APP: variants seen among roughly 807,000 people sequenced by gnomAD.
The protein encoded by APP is amyloid-beta precursor protein.
In APP, 31 loss-of-function variants were observed where a neutral mutation model predicts 101.4. That is an observed-to-expected ratio of 0.31 (90% CI 0.23 to 0.41). The LOEUF (loss-of-function observed/expected upper bound fraction) is 0.41. Among genes scored for constraint, APP ranks in the 10% least tolerant of loss-of-function variants. APP has a pLI of 1.00. For synonymous variants in APP, 366 were observed against 364.4 expected, an observed-to-expected ratio of 1.00 and a Z score of -0.05; for missense variants, 839 against 1,003.7, an observed-to-expected ratio of 0.84 and a Z score of 2.22.
chr21:26,116,791 C>T (rs994410732), intron 1 of APP, among the ~76,000 whole-genome samples: 4 of 152,188 alleles, frequency 2.6e-5, no homozygotes, highest in African/African-American at 4.8e-5. Context: ...TTGAACCACC[C>T]GCTGACTAGT....
intron 5 of APP, among the ~76,000 whole-genome samples, chr21:26,022,419 T>C (rs2044383235): frequency 1.3e-5 from 2 of 152,128 alleles, no homozygotes; most frequent in Non-Finnish European, 2.9e-5. Flanking sequence ...TAAGTAATAA[T>C]AGATACACAG....
intron 15 of APP, chr21:25,897,882 A>T: frequency 1.7e-6 from 1 of 576,986 alleles, no homozygotes; most frequent in East Asian, 2.9e-5. Context: ...AGGGTAAGGG[A>T]AACCTGAAAG....
intron 9 of APP, among the ~76,000 whole-genome samples, chr21:25,980,853 TACA>T (rs2042404912): frequency 1.3e-5 from 2 of 152,190 alleles, no homozygotes. Context: ...TACATGCCAC[TACA>T]TGCAGGGTCA....
chr21:26,119,580 T>C (rs2062516155), intron 1 of APP, among the ~76,000 whole-genome samples: 1 of 152,248 alleles, frequency 6.6e-6, no homozygotes, highest in Non-Finnish European at 1.5e-5. Flanking sequence ...ATGTGTATTT[T>C]CTAGTTTTTC....
chr21:25,887,250 C>G (rs1311457736), intron 17 of APP, among the ~76,000 whole-genome samples: 1 of 152,046 alleles, frequency 6.6e-6, no homozygotes, highest in African/African-American at 2.4e-5. Flanking sequence ...TAAACAGATC[C>G]TGGGATTAGT....
intron 3 of APP, among the ~76,000 whole-genome samples, chr21:26,054,452 A>T (rs1489136083): frequency 6.6e-6 from 1 of 152,160 alleles, no homozygotes; most frequent in Non-Finnish European, 1.5e-5. Flanking sequence ...AAGACAGAGT[A>T]AAGAACCAGC....
rs1199965992 is a variant in APP, at chr21:25,955,729, C to T, written c.1485G>A (p.Lys495=). The T allele has an allele frequency of 1.9e-6, 3 of 1,614,164 alleles. No homozygotes were observed. Among genetic ancestry groups the T allele is most frequent in the Non-Finnish European group, 2.5e-6 (3 of 1,180,030 alleles). ...PRPRHVFNML[K]KYVRAEQKDR... ...CCTTCTGTTCTGCGCGGACATACTT[C>T]TTTAGCATATTGAACACGTGACGAG... is the stretch of plus-strand genomic sequence containing the variant. The change falls in exon 12 of 18, where the codon AAG becomes AAA. Residue 495 remains lysine, a synonymous_variant. Transcript: ENST00000346798.
rs571593915 is a variant in APP, at chr21:25,982,510, A to G, written c.1091-33T>C. 3.1e-6 allele frequency: 5 copies of G among 1,610,564 alleles called. No homozygotes were observed. In the African/African-American group the frequency reaches 5.3e-5, roughly 17 times the overall value. ...GTAGAAGAGAAGGAGGTTTGAGAAA[A>G]AAAAGCCAACAACAACAGAATAATC... On this transcript the variant is annotated intron_variant, in intron 8 of 17. Transcript: ENST00000346798.
At chr21:26,169,146 A>G (rs763896051) in intron 1 of APP, 7 of 152,258 alleles carry the variant, frequency 4.6e-5, no homozygotes, top group African/African-American at 1.2e-4. Flanking sequence ...GATGTAAAGA[A>G]AAACAGTCAT....
At chr21:26,105,068 C>CAAAAAAAAA (rs10579923) in intron 2 of APP, among the ~76,000 whole-genome samples, 1 of 110,496 alleles carries the variant, frequency 9.1e-6, no homozygotes, top group African/African-American at 3.7e-5. Context: ...GCATTTTTTT[C>CAAAAAAAAA]AAAAAAAAAA....
At chr21:26,144,666 T>C (rs755315751) in intron 1 of APP, among the ~76,000 whole-genome samples, 4 of 152,182 alleles carry the variant, frequency 2.6e-5, no homozygotes, top group African/African-American at 7.2e-5. Flanking sequence ...TGGGTTAAAA[T>C]GCAGAAAATA....
chr21:26,025,118 T>A (rs556122605), intron 5 of APP, among the ~76,000 whole-genome samples: 27 of 152,350 alleles, frequency 1.8e-4, no homozygotes, highest in Non-Finnish European at 3.7e-4. Context: ...CTGACTTTTT[T>A]TTTTGACTGC....
intron 1 of APP, among the ~76,000 whole-genome samples, chr21:26,122,317 C>T (rs941945056): frequency 1.3e-5 from 2 of 152,088 alleles, no homozygotes; most frequent in Non-Finnish European, 2.9e-5. Flanking sequence ...TTGTCCATAC[C>T]CTTTAATATC....
In APP at chr21:25,901,708, TG is replaced by T. The variant is rs1319954347; in HGVS notation, c.1963+3315del. Among the ~76,000 whole-genome samples, 6 of 152,314 alleles carry T rather than the reference TG, an allele frequency of 3.9e-5. No individual in the cohort carries two copies. In the East Asian group the frequency reaches 9.6e-4, roughly 24 times the overall value. ...CTTAGAGGTCTTTCTTGAGTTGTGC[TG>T]ATTTCACCCTAAGCCCTGGTGACTC... On this transcript the variant is annotated intron_variant, in intron 15 of 17. Transcript: ENST00000346798.
intron 14 of APP, among the ~76,000 whole-genome samples, chr21:25,910,509 T>C (rs1482604564): frequency 6.6e-6 from 1 of 152,240 alleles, no homozygotes; most frequent in East Asian, 1.9e-4. Flanking sequence ...TGCTGTTGTG[T>C]TCTTAAAAAA....
intron 1 of APP, among the ~76,000 whole-genome samples, chr21:26,148,903 T>C (rs770189692): frequency 1.3e-5 from 2 of 152,250 alleles, no homozygotes; most frequent in Non-Finnish European, 2.9e-5. Context: ...TTTCTTGCAG[T>C]CATATTTCTA....
In APP at chr21:25,976,842, G is replaced by A. The variant is rs530087077; in HGVS notation, c.1225-814C>T. 3.9e-5 allele frequency among the ~76,000 whole-genome samples: 6 copies of A among 152,312 alleles called. No homozygotes were observed. In the South Asian group the frequency reaches 1.2e-3, roughly 32 times the overall value. ...GGTGATTCAGTCTCTGTCCTCATGAGTAAATTAGTATCATTATGGGGGGAG... is the reference window on the plus strand; with the variant it reads ...GGTGATTCAGTCTCTGTCCTCATGAATAAATTAGTATCATTATGGGGGGAG... On this transcript the variant is annotated intron_variant, in intron 9 of 17. Transcript: ENST00000346798.
chr21:25,945,672 A>C, intron 13 of APP: 1 of 329,990 alleles, frequency 3.0e-6, no homozygotes, highest in South Asian at 2.3e-5. Context: ...AATAGTGCCA[A>C]GACCATTCAA....
chr21:26,039,066 T>C (rs1226161141), intron 5 of APP, among the ~76,000 whole-genome samples: 1 of 152,246 alleles, frequency 6.6e-6, no homozygotes, highest in Non-Finnish European at 1.5e-5. Context: ...TGGATGCGTC[T>C]ATTACACCTG....
Sources: gnomAD v4.1 joint callset for allele counts (sites outside exome capture counted in the v4.1 genomes callset) on GRCh38, gnomAD v4.1.1 for gene constraint, MANE v1.5 for transcripts, NCBI Gene and HGNC (gene_info 2026-07-23, HGNC 2026-07-21) for gene names.